Variants in DDX25 observed in about 807,000 individuals in gnomAD.
DDX25 encodes the protein ATP-dependent RNA helicase DDX25.
Under a neutral mutation model 64.6 loss-of-function variants are expected in DDX25, and 70 were observed. The observed-to-expected ratio is 1.08, with a 90% CI of 0.89 to 1.32. The LOEUF (loss-of-function observed/expected upper bound fraction) is 1.32, where lower values mean the gene tolerates loss of function less well. DDX25 is among the 40% of genes most tolerant of loss of function. The pLI is 0.00. For missense variants in DDX25, 587 were observed against 604.4 expected, an observed-to-expected ratio of 0.97 and a Z score of 0.30; for synonymous variants, 211 against 213.3, an observed-to-expected ratio of 0.99 and a Z score of 0.09.
intron 9 of DDX25, 86 bp downstream of exon 9, chr11:125,917,337 C>T: frequency 8.0e-7 from 1 of 1,255,798 alleles, no homozygotes; most frequent in Non-Finnish European, 1.1e-6. Context: ...TAGAGCCAGG[C>T]ACCATGTTCA....
rs748581215 is a variant in DDX25 at position 125,905,558 on chromosome 11, T to C, written c.136T>C (p.Ser46Pro). 1 of 1,551,662 alleles carries C rather than the reference T, an allele frequency of 6.4e-7. No homozygotes were observed. The highest frequency in any genetic ancestry group is 8.7e-7 in the Non-Finnish European group (1 of 1,146,812). The change falls in exon 3 of 12, where the codon TCT (serine) becomes CCT (proline). Residue 46 changes from serine (S) to proline (P), a missense_variant. Ser to Pro is a moderately conservative substitution (Grantham distance 74). Coordinates refer to ENST00000263576, the MANE Select transcript of DDX25 (RefSeq NM_013264.5). The stretch of plus-strand genomic sequence containing the variant: ...TTCTCTTCCATCCTTTCCAGATGGT[T>C]CTATTAATAACATCAATGAAGATGA... Reference protein sequence around the residue: ...KSTAVRNIDGSINNINEDDEE... With the variant: ...KSTAVRNIDGPINNINEDDEE...
rs1289508867 is a variant in DDX25, at chr11:125,918,528, C to T, written c.1039-100C>T. 6.9e-6 allele frequency: 10 copies of T among 1,454,946 alleles called. No homozygotes were observed. The East Asian group carries it at 2.4e-4, about 34-fold the overall frequency. 90.1% of individuals were successfully genotyped at this position (1,454,946 alleles called of 1,614,324 possible). ...GAGGTGAAGCTCAACTCCTCTGCAG[C>T]CCTCTCCCACCCCCGCCCTGCATGC... On this transcript the variant is annotated intron_variant, in intron 9 of 11. Transcript: ENST00000263576.
chr11:125,908,407 G>C lies in DDX25; in HGVS notation c.411G>C (p.Gln137His). 1 of 1,613,936 alleles carries C rather than the reference G, an allele frequency of 6.2e-7. No homozygotes were observed. The highest frequency in any genetic ancestry group is 8.5e-7 in the Non-Finnish European group (1 of 1,179,886). Residue 137 changes from glutamine (Q) to histidine (H), a missense_variant, in exon 6 of 12, where the codon CAG becomes CAC. By Grantham distance (24) the Gln-to-His change is conservative. Coordinates refer to ENST00000263576, the MANE Select transcript of DDX25 (RefSeq NM_013264.5). ...ALPMMLAHPP[Q>H]NLIAQSQSGT... is the part of the protein sequence containing the mutation. ...GGTCTTCTCTTTTCTACAGACCCCAGAACCTCATAGCACAGAGCCAGTCTG... is the reference window on the plus strand; with the variant it reads ...GGTCTTCTCTTTTCTACAGACCCCACAACCTCATAGCACAGAGCCAGTCTG...
chr11:125,905,498 C>A, intron 2 of DDX25, 55 bp from the exon 3 acceptor site: 2 of 1,520,852 alleles, frequency 1.3e-6, no homozygotes, highest in Non-Finnish European at 1.8e-6. Context: ...GCATGCTTTA[C>A]ATTTGTGCTC....
chr11:125,915,862 T>C (rs1226150810), intron 8 of DDX25, among the ~76,000 whole-genome samples: 2 of 152,234 alleles, frequency 1.3e-5, no homozygotes, highest in Non-Finnish European at 2.9e-5. Context: ...TTCATCCACT[T>C]TCTCATTTAC....
In DDX25 at chr11:125,908,424, GC is replaced by G; in HGVS notation, c.430del (p.Gln144SerfsTer15). 6.2e-7 allele frequency: 1 copy of G among 1,613,986 alleles called. No homozygotes were observed. Among genetic ancestry groups the G allele is most frequent in the African/African-American group, 1.3e-5 (1 of 75,040 alleles). On this transcript the variant is annotated frameshift_variant, in exon 6 of 12. Transcript: ENST00000263576. LOFTEE classifies it high-confidence loss of function. ...AHPPQNLIAQ[S>X]QSGTGKTAAF... Reference sequence around the variant, plus strand: ...AGACCCCAGAACCTCATAGCACAGAGCCAGTCTGGAACAGGAAAGACAGCGG... The same window carrying G: ...AGACCCCAGAACCTCATAGCACAGAGCAGTCTGGAACAGGAAAGACAGCGG...
chr11:125,921,557 C>A lies in DDX25; in HGVS notation c.1390+178C>A. The A allele has an allele frequency of 1.5e-6, 1 of 650,444 alleles. No individual in the cohort carries two copies. Among genetic ancestry groups the A allele is most frequent in the Non-Finnish European group, 2.5e-6 (1 of 401,736 alleles). 40.3% of individuals were successfully genotyped at this position (650,444 alleles called of 1,614,324 possible). A position where few individuals can be genotyped will look rare whatever the true frequency, so the allele number is the denominator to read the frequency against. ...ATATGAGACAGATGATTAAATAATG[C>A]TTATATGGTAATTAAAAATTATTTT... On this transcript the variant is annotated intron_variant, in intron 11 of 11. Coordinates refer to ENST00000263576, the MANE Select transcript of DDX25 (RefSeq NM_013264.5). The surrounding 1 kb of genome is among the most constrained non-coding windows in gnomAD (Gnocchi z 4.1).
rs569907738 is a variant in DDX25, at chr11:125,926,022, G to A, written c.*3141G>A. 1.9e-3 allele frequency: 288 copies of A among 153,020 alleles called. No individual in the cohort carries two copies. The highest frequency in any genetic ancestry group is 3.5e-3 in the Non-Finnish European group (241 of 68,606). 9.5% of individuals were successfully genotyped at this position (153,020 alleles called of 1,614,324 possible). A position where few individuals can be genotyped will look rare whatever the true frequency, so the allele number is the denominator to read the frequency against. ...GCAGTACCTTTCCAGACAGCAGAGA[G>A]AGAGAGGCTGGTTTTGTCAAGCCTT... On this transcript the variant is annotated 3_prime_UTR_variant, in exon 12 of 12. Coordinates refer to ENST00000263576, the MANE Select transcript of DDX25 (RefSeq NM_013264.5).
chr11:125,925,690 T>G lies in DDX25; in HGVS notation c.*2809T>G, dbSNP rs1210677571. The G allele has an allele frequency of 9.2e-6, 3 of 325,504 alleles. No individual in the cohort carries two copies. Among genetic ancestry groups the G allele is most frequent in the Non-Finnish European group, 1.9e-5 (3 of 161,278 alleles). The allele number at this position is 325,504 out of a possible 1,614,324, so 20.2% of individuals were successfully genotyped here. On this transcript the variant is annotated 3_prime_UTR_variant, in exon 12 of 12. Coordinates refer to ENST00000263576, the MANE Select transcript of DDX25 (RefSeq NM_013264.5). ...GCTTAATACTGTTAGCATATTGAAA[T>G]TCATGATTACGTAGAGCAGGACTGT... is the stretch of plus-strand genomic sequence containing the variant.
chr11:125,912,352 A>C (rs1434312504), intron 8 of DDX25, among the ~76,000 whole-genome samples: 1 of 152,150 alleles, frequency 6.6e-6, no homozygotes, highest in African/African-American at 2.4e-5. Context: ...GTCAGTATTG[A>C]TATCATGTGA....
chr11:125,903,855 T>A (rs373025536), upstream of DDX25, among the ~76,000 whole-genome samples: 2 of 152,168 alleles, frequency 1.3e-5, no homozygotes, highest in Non-Finnish European at 2.9e-5. Context: ...TGCAAACGCA[T>A]GTAGGACGTA....
intron 8 of DDX25, among the ~76,000 whole-genome samples, chr11:125,913,200 C>T (rs1172327416): frequency 6.6e-6 from 1 of 151,118 alleles, no homozygotes; most frequent in African/African-American, 2.4e-5. Flanking sequence ...TTTTTCCTGC[C>T]AATATTCCAA....
At position 125,910,487 on chromosome 11, in the gene DDX25, C is replaced by T. The variant is rs758095951; in HGVS notation, c.622+9C>T. On this transcript the variant is annotated intron_variant, in intron 7 of 11. Coordinates refer to ENST00000263576, the MANE Select transcript of DDX25 (RefSeq NM_013264.5). ...CATTCGAGGGAATCGAAGTATGTAC[C>T]AGTAAGCCAGTCCTGGCTGATTTTT... is the stretch of plus-strand genomic sequence containing the variant. 2 of 1,612,216 alleles carry T rather than the reference C, an allele frequency of 1.2e-6. No individual in the cohort carries two copies. The highest frequency in any genetic ancestry group is 2.7e-5 in the African/African-American group (2 of 74,880).
chr11:125,925,528 G>C lies in DDX25; in HGVS notation c.*2647G>C. 2.2e-6 allele frequency: 1 copy of C among 455,032 alleles called. No homozygotes were observed. Among genetic ancestry groups the C allele is most frequent in the South Asian group, 1.6e-5 (1 of 64,454 alleles). 28.2% of individuals were successfully genotyped at this position (455,032 alleles called of 1,614,324 possible). On this transcript the variant is annotated 3_prime_UTR_variant, in exon 12 of 12. Transcript: ENST00000263576. Reference sequence around the variant, plus strand: ...GGCCTGGCCAAGGTCATCTCTCTCAGTGCCTGCCTGAGGACAGAGTAGATA... The same window carrying C: ...GGCCTGGCCAAGGTCATCTCTCTCACTGCCTGCCTGAGGACAGAGTAGATA...
chr11:125,906,174 A>G lies in DDX25; in HGVS notation c.276A>G (p.Pro92=), dbSNP rs1944883374. ...TTTTACAGAAGGATCCCAGCTCTCC[A>G]CTTTACTCAGTAAAGACATTTGAAG... The part of the protein sequence containing the change: ...VEVLQKDPSS[P]LYSVKTFEEL... Residue 92 remains proline (P), a synonymous_variant, in exon 4 of 12, where the codon CCA becomes CCG. Coordinates refer to ENST00000263576, the MANE Select transcript of DDX25 (RefSeq NM_013264.5). 3.2e-6 allele frequency: 5 copies of G among 1,550,610 alleles called. No individual in the cohort carries two copies. Among genetic ancestry groups the G allele is most frequent in the Non-Finnish European group, 4.4e-6 (5 of 1,146,680 alleles).
intron 10 of DDX25, chr11:125,920,939 C>CAT: frequency 2.2e-6 from 1 of 458,610 alleles, no homozygotes; most frequent in Non-Finnish European, 3.9e-6. Context: ...CACACACACA[C>CAT]ACACACACAC....
intron 8 of DDX25, among the ~76,000 whole-genome samples, chr11:125,913,455 T>C (rs1039282096): frequency 2.6e-5 from 4 of 152,216 alleles, no homozygotes; most frequent in Non-Finnish European, 2.9e-5. Flanking sequence ...TTTTGACTAA[T>C]AGTTTGCCCG....
At chr11:125,917,664 T>C (rs1027254467) in intron 9 of DDX25, among the ~76,000 whole-genome samples, 5 of 152,206 alleles carry the variant, frequency 3.3e-5, no homozygotes, top group Non-Finnish European at 7.3e-5. Context: ...CCGTAAACAC[T>C]TTAAGCTTCA....
At chr11:125,915,049 T>C (rs932783377) in intron 8 of DDX25, among the ~76,000 whole-genome samples, 4 of 152,160 alleles carry the variant, frequency 2.6e-5, no homozygotes, top group Non-Finnish European at 5.9e-5. Context: ...CCTCAAGTGA[T>C]CCACCCGCCT....
Sources: gnomAD v4.1 joint callset for allele counts (sites outside exome capture counted in the v4.1 genomes callset) on GRCh38, gnomAD v4.1.1 for gene constraint, Gnocchi (gnomAD v3.1) non-coding constraint, MANE v1.5 for transcripts, NCBI Gene and HGNC (gene_info 2026-07-23, HGNC 2026-07-21) for gene names.